The following EPC2 variants were observed in gnomAD, a reference collection of about 807,000 sequenced individuals.
EPC2 encodes the protein enhancer of polycomb 2, also known as enhancer of polycomb homolog 2.
EPC2 carries 14 observed loss-of-function variants against 92.1 expected under a neutral mutation model. The ratio of observed to expected loss-of-function variants is 0.15; its 90% CI spans 0.10 to 0.24. The LOEUF (loss-of-function observed/expected upper bound fraction) is 0.24. Among genes scored for constraint, EPC2 ranks in the 10% least tolerant of loss-of-function variants. The pLI, the probability that EPC2 is intolerant of heterozygous loss-of-function variation, is 1.00. For synonymous variants in EPC2, 340 were observed against 334.7 expected, an observed-to-expected ratio of 1.02 and a Z score of -0.17; for missense variants, 755 against 971.5, an observed-to-expected ratio of 0.78 and a Z score of 2.96.
At position 148,701,324 on chromosome 2, in the gene EPC2, T is replaced by C. The variant is rs544497839; in HGVS notation, c.313+10951T>C. Among the ~76,000 whole-genome samples the C allele has an allele frequency of 2.8e-3, 419 of 152,334 alleles. 2 individuals carry two copies. Among genetic ancestry groups the C allele is most frequent in the Non-Finnish European group, 3.8e-3 (260 of 68,028 alleles). Reference sequence around the variant, plus strand: ...TGCATAGAAGTGGTGAGAAGGAACATCCTTGCCTTGTTCTTGATCTTAGTA... The same window carrying C: ...TGCATAGAAGTGGTGAGAAGGAACACCCTTGCCTTGTTCTTGATCTTAGTA... On this transcript the variant is annotated intron_variant, in intron 2 of 13. Transcript: ENST00000258484.
chr2:148,720,062 G>A (rs1024191692), intron 2 of EPC2, among the ~76,000 whole-genome samples: 4 of 152,112 alleles, frequency 2.6e-5, no homozygotes, highest in African/African-American at 7.2e-5. Flanking sequence ...CTCTGCCCAG[G>A]TAGCAGCCCT....
chr2:148,746,526 A>G (rs1682988036), intron 3 of EPC2, among the ~76,000 whole-genome samples: 1 of 152,126 alleles, frequency 6.6e-6, no homozygotes, highest in Admixed American at 6.6e-5. Context: ...TGTTTGATTT[A>G]GTATCTTCTT....
intron 2 of EPC2, among the ~76,000 whole-genome samples, chr2:148,713,628 C>T (rs939414519): frequency 7.2e-5 from 11 of 152,118 alleles, no homozygotes; most frequent in African/African-American, 2.7e-4. Context: ...ATCCTATAAG[C>T]TATATTTATG....
At chr2:148,765,359 G>T (rs540938794) in intron 7 of EPC2, among the ~76,000 whole-genome samples, 1 of 152,060 alleles carries the variant, frequency 6.6e-6, no homozygotes, top group East Asian at 1.9e-4. Flanking sequence ...TTTGTGGAGC[G>T]CATGGTTTTT....
At chr2:148,669,683 C>T (rs16829142) in intron 1 of EPC2, among the ~76,000 whole-genome samples, 2,142 of 152,072 alleles carry the variant, frequency 0.014, 51 homozygotes, top group African/African-American at 0.049. Flanking sequence ...AGTGCCTGTT[C>T]GTAGCAAGAC....
chr2:148,780,267 T>G (rs546024404), intron 10 of EPC2, among the ~76,000 whole-genome samples: 1 of 152,254 alleles, frequency 6.6e-6, no homozygotes, highest in Non-Finnish European at 1.5e-5. Flanking sequence ...TTTCCCCTTA[T>G]AGTCCAATAC....
At chr2:148,739,961 A>G (rs576857838) in intron 2 of EPC2, among the ~76,000 whole-genome samples, 37 of 150,228 alleles carry the variant, frequency 2.5e-4, no homozygotes, top group Middle Eastern at 3.5e-3. Flanking sequence ...GCTGTACTAC[A>G]TCAAGAAGTT....
intron 1 of EPC2, among the ~76,000 whole-genome samples, chr2:148,687,700 G>A (rs184029475): frequency 6.6e-6 from 1 of 152,226 alleles, no homozygotes; most frequent in African/African-American, 2.4e-5. Context: ...GCTGCTTGTG[G>A]GAGTCCCAAT....
chr2:148,670,496 A>G (rs756908018), intron 1 of EPC2, among the ~76,000 whole-genome samples: 23 of 150,354 alleles, frequency 1.5e-4, no homozygotes, highest in Admixed American at 2.6e-4. Context: ...CCCAAAAGAA[A>G]CCTCTTACCC....
Position 148,644,884 on chromosome 2 carries a change from G to A in EPC2, c.-134G>A, listed in dbSNP as rs1683760395. On this transcript the variant is annotated 5_prime_UTR_variant, in exon 1 of 14. Coordinates refer to ENST00000258484, the MANE Select transcript of EPC2 (RefSeq NM_015630.4). ...GTGGGCGCCCATGCTGTGGCCGGGG[G>A]CAGTGAGGAGGAGGAGGAGCGGGCC... 4.0e-6 allele frequency: 3 copies of A among 743,140 alleles called. No individual in the cohort carries two copies. The highest frequency in any genetic ancestry group is 1.8e-5 in the African/African-American group (1 of 54,830). 46.0% of individuals were successfully genotyped at this position (743,140 alleles called of 1,614,324 possible). A position where few individuals can be genotyped will look rare whatever the true frequency, so the allele number is the denominator to read the frequency against.
intron 2 of EPC2, among the ~76,000 whole-genome samples, chr2:148,700,457 A>G (rs1349163011): frequency 6.6e-6 from 1 of 151,914 alleles, no homozygotes; most frequent in Non-Finnish European, 1.5e-5. Context: ...TCACCGTTCT[A>G]GCACTCGTTG....
intron 1 of EPC2, among the ~76,000 whole-genome samples, chr2:148,686,035 A>G (rs1404298385): frequency 6.6e-6 from 1 of 152,206 alleles, no homozygotes; most frequent in Admixed American, 6.5e-5. Flanking sequence ...ATAAGACAAT[A>G]GTGAAGTTTG....
intron 13 of EPC2, 44 bp from the exon 14 acceptor site, chr2:148,786,261 A>T: frequency 7.0e-7 from 1 of 1,433,822 alleles, no homozygotes; most frequent in Non-Finnish European, 9.7e-7. Context: ...GTCATGTTCT[A>T]GAGAGTATTG....
chr2:148,665,958 C>T (rs1360172940), intron 1 of EPC2, among the ~76,000 whole-genome samples: 1 of 152,062 alleles, frequency 6.6e-6, no homozygotes, highest in Admixed American at 6.6e-5. Flanking sequence ...AATGCGACTG[C>T]TTATTTTATT....
At chr2:148,658,821 A>G (rs1680872011) in intron 1 of EPC2, among the ~76,000 whole-genome samples, 2 of 146,974 alleles carry the variant, frequency 1.4e-5, no homozygotes, top group South Asian at 2.1e-4. Flanking sequence ...TAAACTATAT[A>G]TGTATGTTAT....
rs188522293 is a variant in EPC2, at chr2:148,756,986, A to C, written c.666+2853A>C. Among the ~76,000 whole-genome samples, 572 of 152,324 alleles carry C rather than the reference A, an allele frequency of 3.8e-3. 2 individuals carry two copies. The highest frequency in any genetic ancestry group is 0.013 in the African/African-American group (526 of 41,574). ...TTGGCCCTGAGCAGAGACGGTTGTG[A>C]GAAGGAGTAAAGGGGGCAAGTGGAT... On this transcript the variant is annotated intron_variant, in intron 4 of 13. Coordinates refer to ENST00000258484, the MANE Select transcript of EPC2 (RefSeq NM_015630.4).
intron 2 of EPC2, among the ~76,000 whole-genome samples, chr2:148,706,080 A>G (rs1475820957): frequency 1.3e-5 from 2 of 152,190 alleles, no homozygotes; most frequent in Non-Finnish European, 2.9e-5. Context: ...TTTGAACCCA[A>G]CGCAAGGAAG....
intron 1 of EPC2, among the ~76,000 whole-genome samples, chr2:148,657,417 AT>A (rs1235269427): frequency 6.6e-6 from 1 of 152,116 alleles, no homozygotes; most frequent in East Asian, 1.9e-4. Context: ...TAGGTCAGTG[AT>A]TCTCAAGCTT....
Position 148,754,025 on chromosome 2 carries a change from G to A in EPC2, c.558G>A (p.Arg186=), listed in dbSNP as rs367545690. ...GGGTGAGAAAACGTAAAAACTGCAG[G>A]GGGCCATCCCTCATTCCTCAGATAA... The part of the protein sequence containing the change: ...DYWVRKRKNC[R]GPSLIPQIKQ... Residue 186 remains arginine (R), a synonymous_variant, in exon 4 of 14, where the codon AGG becomes AGA. Transcript: ENST00000258484. 2 of 1,611,474 alleles carry A rather than the reference G, an allele frequency of 1.2e-6. No individual in the cohort carries two copies. Among genetic ancestry groups the A allele is most frequent in the Non-Finnish European group, 1.7e-6 (2 of 1,178,874 alleles).
Sources: allele counts gnomAD v4.1 joint callset (sites outside exome capture counted in the v4.1 genomes callset), GRCh38; gene constraint gnomAD v4.1.1; transcripts MANE v1.5; gene names NCBI Gene and HGNC (gene_info 2026-07-23, HGNC 2026-07-21).